KDM4B: variants seen among roughly 807,000 people sequenced by gnomAD.
The protein encoded by KDM4B is lysine-specific demethylase 4B.
KDM4B carries 32 observed loss-of-function variants against 125.2 expected under a neutral mutation model. That is an observed-to-expected ratio of 0.26 (90% CI 0.19 to 0.34). KDM4B has a LOEUF of 0.34. Ranked by LOEUF, KDM4B falls within the 10% of genes least tolerant of loss-of-function variation. The pLI is 1.00. For synonymous variants in KDM4B, 721 were observed against 677.9 expected, an observed-to-expected ratio of 1.06 and a Z score of -0.99; for missense variants, 1,190 against 1,577.7, an observed-to-expected ratio of 0.75 and a Z score of 4.16.
rs114771619 is a variant in KDM4B, at chr19:5,114,773, C to T, written c.1115+3955C>T. Among the ~76,000 whole-genome samples the T allele has an allele frequency of 3.0e-3, 462 of 152,334 alleles. No individual in the cohort carries two copies. The highest frequency in any genetic ancestry group is 0.01 in the African/African-American group (435 of 41,574). ...CAGCGCGGCACTGAATGCTGATGGT[C>T]CCACTCTGGGTGCTGCAGGTGCCCT... On this transcript the variant is annotated intron_variant, in intron 10 of 22. Coordinates refer to ENST00000159111, the MANE Select transcript of KDM4B (RefSeq NM_015015.3). This position sits in a 1 kb window ranked among gnomAD's most constrained non-coding sequence, Gnocchi z 5.8.
At chr19:5,051,753 G>A (rs953228474) in intron 6 of KDM4B, among the ~76,000 whole-genome samples, 2 of 152,348 alleles carry the variant, frequency 1.3e-5, no homozygotes, top group South Asian at 2.1e-4. Flanking sequence ...CAAGAGCAGC[G>A]GGGCGAAGGA....
chr19:5,032,920 C>A lies in KDM4B; in HGVS notation c.30C>A (p.Asn10Lys). The part of the protein sequence containing the change: MGSEDHGAQ[N>K]PSCKIMTFRP... Reference sequence around the variant, plus strand: ...GGTCTGAGGACCACGGCGCCCAGAACCCCAGCTGTAAAATCATGACGTTTC... The same window carrying A: ...GGTCTGAGGACCACGGCGCCCAGAAACCCAGCTGTAAAATCATGACGTTTC... Residue 10 changes from asparagine (N) to lysine (K), a missense_variant, in exon 3 of 23, where the codon AAC becomes AAA. Transcript: ENST00000159111. 1 of 1,614,172 alleles carries A rather than the reference C, an allele frequency of 6.2e-7. No individual in the cohort carries two copies. Among genetic ancestry groups the A allele is most frequent in the Non-Finnish European group, 8.5e-7 (1 of 1,180,032 alleles).
intron 11 of KDM4B, among the ~76,000 whole-genome samples, chr19:5,127,087 G>T (rs754333841): frequency 2.0e-5 from 3 of 152,172 alleles, no homozygotes; most frequent in Admixed American, 1.3e-4. Context: ...TGGGGTTTCC[G>T]CTGTGACACC....
chr19:5,101,653 G>A (rs576105936), intron 9 of KDM4B, among the ~76,000 whole-genome samples: 2 of 152,046 alleles, frequency 1.3e-5, no homozygotes, highest in South Asian at 4.2e-4. Context: ...GGGAGGTCTG[G>A]GTGGGCTGTG....
chr19:5,051,881 G>A lies in KDM4B; in HGVS notation c.626+4212G>A, dbSNP rs185714703. Among the ~76,000 whole-genome samples, 388 of 152,318 alleles carry A rather than the reference G, an allele frequency of 2.5e-3. 1 individual carries two copies. Among genetic ancestry groups the A allele is most frequent in the Non-Finnish European group, 3.1e-3 (208 of 68,010 alleles). ...TCTCATCTCTGGCTGTTTCCTCAGG[G>A]GATCGCTCCGCCCACCCTCTCCTGC... On this transcript the variant is annotated intron_variant, in intron 6 of 22. Transcript: ENST00000159111.
chr19:5,015,971 C>T (rs2035880753), intron 1 of KDM4B, among the ~76,000 whole-genome samples: 1 of 152,194 alleles, frequency 6.6e-6, no homozygotes, highest in Non-Finnish European at 1.5e-5. Flanking sequence ...GTCTTAAGGC[C>T]TCCAGAAGCT....
intron 15 of KDM4B, among the ~76,000 whole-genome samples, chr19:5,136,967 C>T (rs1444010639): frequency 6.6e-6 from 1 of 152,222 alleles, no homozygotes; most frequent in African/African-American, 2.4e-5. Flanking sequence ...AAGACACCAC[C>T]AGGCTGAGCG....
At chr19:5,060,959 G>A (rs2037575425) in intron 6 of KDM4B, among the ~76,000 whole-genome samples, 1 of 152,226 alleles carries the variant, frequency 6.6e-6, no homozygotes, top group Non-Finnish European at 1.5e-5. Flanking sequence ...CTCCAATCTG[G>A]CCTTTAATTG....
At chr19:5,077,575 G>GT in intron 8 of KDM4B, 105 bp downstream of exon 8, 1 of 954,492 alleles carries the variant, frequency 1.0e-6, no homozygotes, top group Non-Finnish European at 1.6e-6. Context: ...CCCTGGAGAA[G>GT]TTTCTAGAAC....
chr19:5,131,532 C>T lies in KDM4B; in HGVS notation c.1772C>T (p.Ala591Val). Residue 591 changes from alanine to valine, a missense_variant, in exon 12 of 23, where the codon GCC (alanine) becomes GTC (valine). Around this residue, in one of 7 missense-constraint regions of KDM4B, gnomAD observed 428 missense variants for 405.1 expected, o/e 1.06. Coordinates refer to ENST00000159111, the MANE Select transcript of KDM4B (RefSeq NM_015015.3). ...GGTCGCATGGAGACCAAAGCCCGGG[C>T]CGGAGAGGGGCAGGTGGGGTGGAGC... ...GAGRMETKAR[A>V]GEGQAPSTFS... 8.6e-7 allele frequency: 1 copy of T among 1,160,304 alleles called. No individual in the cohort carries two copies. Among genetic ancestry groups the T allele is most frequent in the Non-Finnish European group, 1.1e-6 (1 of 928,796 alleles). 71.9% of individuals were successfully genotyped at this position (1,160,304 alleles called of 1,614,324 possible). A position where few individuals can be genotyped will look rare whatever the true frequency, so the allele number is the denominator to read the frequency against.
intron 1 of KDM4B, among the ~76,000 whole-genome samples, chr19:4,990,966 C>T (rs2035012993): frequency 6.6e-6 from 1 of 151,534 alleles, no homozygotes; most frequent in Admixed American, 6.6e-5. Flanking sequence ...ACTAAAAATA[C>T]AAAAATTAGC....
At chr19:5,132,170 CTG>C (rs1457822106) in intron 13 of KDM4B, among the ~76,000 whole-genome samples, 163 bp downstream of exon 13, 1 of 152,044 alleles carries the variant, frequency 6.6e-6, no homozygotes, top group Non-Finnish European at 1.5e-5. Flanking sequence ...CAGGCTGTCA[CTG>C]GGGCAGGTGG....
chr19:5,071,162 G>T, intron 7 of KDM4B, 103 bp downstream of exon 7: 1 of 1,136,396 alleles, frequency 8.8e-7, no homozygotes, highest in Non-Finnish European at 1.3e-6. Context: ...TGCGGTCTGG[G>T]TTTGGGTTTT....
intron 21 of KDM4B, among the ~76,000 whole-genome samples, chr19:5,148,540 C>G (rs1285532054): frequency 6.6e-6 from 1 of 152,196 alleles, no homozygotes; most frequent in African/African-American, 2.4e-5. Flanking sequence ...CACTGTGTGC[C>G]ACGCCTGCCA....
In KDM4B at chr19:5,131,127, A is replaced by G. The variant is rs1280845976; in HGVS notation, c.1367A>G (p.Lys456Arg). ...RPTKAKSERK[K>R]KSFGLLPPQL... ...ACCAAGGCCAAGAGCGAGCGGAAGA[A>G]GAAGAGCTTCGGCCTGCTGCCCCCA... is the stretch of plus-strand genomic sequence containing the variant. Residue 456 changes from lysine to arginine, a missense_variant, in exon 12 of 23, where the codon AAG (lysine) becomes AGG (arginine). Transcript: ENST00000159111. The G allele has an allele frequency of 6.5e-7, 1 of 1,530,650 alleles. No individual in the cohort carries two copies. The highest frequency in any genetic ancestry group is 8.8e-7 in the Non-Finnish European group (1 of 1,138,558). 94.8% of individuals were successfully genotyped at this position (1,530,650 alleles called of 1,614,324 possible).
In KDM4B at chr19:5,115,258, G is replaced by A. The variant is rs954895013; in HGVS notation, c.1116-4395G>A. 6.6e-6 allele frequency among the ~76,000 whole-genome samples: 1 copy of A among 152,132 alleles called. No homozygotes were observed. Among genetic ancestry groups the A allele is most frequent in the African/African-American group, 2.4e-5 (1 of 41,414 alleles). Reference sequence around the variant, plus strand: ...TCAGAAAGACACAGCGGGCAAACATGGGCAGCCCCTGGGGGTGCTGGGGGG... The same window carrying A: ...TCAGAAAGACACAGCGGGCAAACATAGGCAGCCCCTGGGGGTGCTGGGGGG... On this transcript the variant is annotated intron_variant, in intron 10 of 22. Transcript: ENST00000159111. This position sits in a 1 kb window ranked among gnomAD's most constrained non-coding sequence, Gnocchi z 4.2.
At chr19:4,982,426 TG>T (rs1456350861) in intron 1 of KDM4B, among the ~76,000 whole-genome samples, 76 of 113,458 alleles carry the variant, frequency 6.7e-4, no homozygotes, top group African/African-American at 2.5e-3. Flanking sequence ...CGCTCCAGCC[TG>T]GGTGACAAGA....
At chr19:4,987,689 T>G (rs1028724183) in intron 1 of KDM4B, among the ~76,000 whole-genome samples, 2 of 152,108 alleles carry the variant, frequency 1.3e-5, no homozygotes, top group Non-Finnish European at 2.9e-5. Context: ...CCTCCCAAAG[T>G]GCTGGGATGA....
chr19:5,043,395 T>TG (rs1299430050), intron 5 of KDM4B, among the ~76,000 whole-genome samples: 1 of 141,306 alleles, frequency 7.1e-6, no homozygotes, highest in African/African-American at 2.7e-5. Context: ...TTTATCGGAG[T>TG]GGGGGGGTCC....
Sources: gnomAD v4.1 joint callset for allele counts (sites outside exome capture counted in the v4.1 genomes callset) on GRCh38, gnomAD v4.1.1 for gene constraint, gnomAD v4.1.1 regional missense constraint, Gnocchi (gnomAD v3.1) non-coding constraint, MANE v1.5 for transcripts, NCBI Gene and HGNC (gene_info 2026-07-23, HGNC 2026-07-21) for gene names.